DMD: variants seen among roughly 807,000 people sequenced by gnomAD.
DMD encodes dystrophin, also known as mutant dystrophin.
A neutral mutation model predicts 330.1 loss-of-function variants in DMD; 63 were observed. The ratio of observed to expected loss-of-function variants is 0.19; its 90% CI spans 0.16 to 0.24. DMD has a LOEUF of 0.24. Ranked by LOEUF, DMD falls within the 10% of genes least tolerant of loss-of-function variation. The pLI, the probability that DMD is intolerant of heterozygous loss-of-function variation, is 1.00. For missense variants in DMD, 3,344 were observed against 2,684.1 expected (o/e 1.25, Z -5.43); for synonymous variants, 1,223 against 959.8 (o/e 1.27, Z -5.07).
chrX:33,329,927 A>G (rs895956673), intron 1 of DMD, among the ~76,000 whole-genome samples: 1 of 111,778 alleles, frequency 8.9e-6, no homozygotes, highest in Non-Finnish European at 1.9e-5. Context: ...TGTTTTAAAA[A>G]TCAAGGAGGA....
rs1195749062 is a variant in DMD, at chrX:33,312,004, G to GT, written c.7+27254dup. 1.5e-3 allele frequency among the ~76,000 whole-genome samples: 155 copies of GT among 103,466 alleles called. No individual in the cohort carries two copies. In the East Asian group the frequency reaches 0.019, roughly 13 times the overall value. 89.8% of individuals were successfully genotyped at this position (103,466 alleles called of 115,157 possible). A position where few individuals can be genotyped will look rare whatever the true frequency, so the allele number is the denominator to read the frequency against. On this transcript the variant is annotated intron_variant, in intron 1 of 17. Transcript: ENST00000288447. ...AAAATCAAATGATGAAAAATAGCAA[G>GT]TTTTTTTTTTTAGCAAGAGAATTTA...
intron 12 of DMD, among the ~76,000 whole-genome samples, chrX:32,610,665 CTTTAAT>C (rs1388064657): frequency 3.6e-5 from 4 of 111,265 alleles, no homozygotes; most frequent in South Asian, 7.4e-4. Flanking sequence ...TGTATCTTTT[CTTTAAT>C]TTTGTCATCT....
intron 1 of DMD, among the ~76,000 whole-genome samples, chrX:33,163,075 C>T (rs766421403): frequency 3.3e-4 from 37 of 111,064 alleles, no homozygotes; most frequent in Non-Finnish European, 1.3e-4. Context: ...GCCATGGCTT[C>T]GCTTAATACA....
At chrX:33,055,754 T>C (rs2094509729) in intron 1 of DMD, among the ~76,000 whole-genome samples, 1 of 111,659 alleles carries the variant, frequency 9.0e-6, no homozygotes, top group Admixed American at 9.6e-5. Context: ...TGTTTTATAG[T>C]CTGACAAATT....
chrX:32,236,965 G>A (rs1283273979), intron 43 of DMD, among the ~76,000 whole-genome samples: 2 of 111,308 alleles, frequency 1.8e-5, no homozygotes, highest in Non-Finnish European at 3.8e-5. Context: ...CTTAAATTAT[G>A]ACATAAATCC....
intron 41 of DMD, among the ~76,000 whole-genome samples, chrX:32,322,685 TGA>T (rs1250192564): frequency 1.8e-5 from 2 of 111,724 alleles, no homozygotes; most frequent in Non-Finnish European, 3.8e-5. Context: ...CTTTAGAGTT[TGA>T]GAGAAAGAAA....
chrX:32,023,082 C>T (rs2095819455), intron 44 of DMD, among the ~76,000 whole-genome samples: 1 of 111,102 alleles, frequency 9.0e-6, no homozygotes, highest in Non-Finnish European at 1.9e-5. Context: ...CCGCCCGCCT[C>T]GGCCTCCTGA....
chrX:32,920,180 A>C (rs1348952516), intron 2 of DMD, among the ~76,000 whole-genome samples: 1 of 111,555 alleles, frequency 9.0e-6, no homozygotes, highest in African/African-American at 3.3e-5. Context: ...AAATACATAT[A>C]TTATTATATT....
intron 50 of DMD, among the ~76,000 whole-genome samples, chrX:31,796,073 T>C (rs1455439549): frequency 8.9e-6 from 1 of 111,953 alleles, no homozygotes; most frequent in East Asian, 2.8e-4. Context: ...TGTACCAAGC[T>C]GAAAAATTTA....
intron 4 of DMD, among the ~76,000 whole-genome samples, chrX:32,828,478 C>A (rs1201969629): frequency 1.8e-5 from 2 of 108,837 alleles, no homozygotes; most frequent in African/African-American, 6.8e-5. Flanking sequence ...ACACACTCTG[C>A]TCTAGTAGAT....
intron 62 of DMD, among the ~76,000 whole-genome samples, chrX:31,307,662 T>C (rs960537399): frequency 8.9e-6 from 1 of 111,949 alleles, no homozygotes; most frequent in Admixed American, 9.5e-5. Context: ...CATCGGGCAT[T>C]CATGCAATTA....
rs747847667 is a variant in DMD at position 31,875,318 on chromosome X, A to T, written c.6968T>A (p.Leu2323His). The change falls in exon 48 of 79, where the codon CTT becomes CAT. Residue 2323 changes from leucine to histidine, a missense_variant. By Grantham distance (99) the Leu-to-His change is moderately conservative. Coordinates refer to ENST00000357033, the MANE Select transcript of DMD (RefSeq NM_004006.3). ...QGEIEAQIKD[L>H]GQLEKKLEDL... Reference sequence around the variant, plus strand: ...TTCAAGCTTTTTTTCAAGCTGCCCAAGGTCTTTTATTTGAGCTTCAATTTC... The same window carrying T: ...TTCAAGCTTTTTTTCAAGCTGCCCATGGTCTTTTATTTGAGCTTCAATTTC... 1 of 1,209,015 alleles carries T rather than the reference A, an allele frequency of 8.3e-7. No homozygotes were observed. The highest frequency in any genetic ancestry group is 1.1e-6 in the Non-Finnish European group (1 of 893,938).
At chrX:31,144,041 C>T (rs2036395152) in intron 76 of DMD, among the ~76,000 whole-genome samples, 1 of 111,741 alleles carries the variant, frequency 8.9e-6, no homozygotes, top group African/African-American at 3.3e-5. Context: ...TGCCTTAAAT[C>T]ATGGAGGTGT....
At chrX:31,960,308 A>G (rs1199636499) in intron 45 of DMD, among the ~76,000 whole-genome samples, 1 of 111,234 alleles carries the variant, frequency 9.0e-6, no homozygotes, top group Non-Finnish European at 1.9e-5. Context: ...ATACTTGAAC[A>G]CCTTTCAAAA....
intron 18 of DMD, among the ~76,000 whole-genome samples, chrX:32,511,965 G>A (rs1010771702): frequency 9.0e-6 from 1 of 111,615 alleles, no homozygotes; most frequent in Non-Finnish European, 1.9e-5. Context: ...GCTAAAAAAG[G>A]CATCAGTAAA....
chrX:32,473,453 A>G (rs2148493834), intron 21 of DMD, among the ~76,000 whole-genome samples: 1 of 111,737 alleles, frequency 8.9e-6, no homozygotes, highest in East Asian at 2.8e-4. Context: ...CACACTGCAA[A>G]GTCCTGGTTT....
At chrX:31,954,917 C>T (rs1450821598) in intron 45 of DMD, among the ~76,000 whole-genome samples, 3 of 107,738 alleles carry the variant, frequency 2.8e-5, no homozygotes, top group South Asian at 4.2e-4. Flanking sequence ...CTGTAATCCC[C>T]GCACTTTGGG....
intron 55 of DMD, among the ~76,000 whole-genome samples, chrX:31,625,775 T>C (rs1263861346): frequency 2.7e-5 from 3 of 111,539 alleles, no homozygotes; most frequent in Non-Finnish European, 3.8e-5. Flanking sequence ...AAATACAAAT[T>C]GTATAGTAGA....
At chrX:32,642,861 G>T (rs1053905081) in intron 11 of DMD, among the ~76,000 whole-genome samples, 1 of 111,257 alleles carries the variant, frequency 9.0e-6, no homozygotes, top group Non-Finnish European at 1.9e-5. Flanking sequence ...GGCTATTATG[G>T]CAAGGACAGT....
Sources: gnomAD v4.1 joint callset for allele counts (sites outside exome capture counted in the v4.1 genomes callset) on GRCh38, gnomAD v4.1.1 for gene constraint, MANE v1.5 for transcripts, NCBI Gene and HGNC (gene_info 2026-07-23, HGNC 2026-07-21) for gene names.